ADAMTSL1: variants seen among roughly 807,000 people sequenced by gnomAD.
ADAMTSL1 encodes ADAMTS like 1, also known as ADAMTS-like protein 1.
Under a neutral mutation model 201.8 loss-of-function variants are expected in ADAMTSL1, and 126 were observed. The ratio of observed to expected loss-of-function variants is 0.62; its 90% confidence interval spans 0.54 to 0.72. ADAMTSL1 has a LOEUF of 0.72. Ranked by LOEUF, ADAMTSL1 falls within the 30% of genes least tolerant of loss-of-function variation. The pLI, the probability that ADAMTSL1 is intolerant of heterozygous loss-of-function variation, is 0.00. For synonymous variants in ADAMTSL1, 1,121 were observed against 903.4 expected (o/e 1.24, Z -4.32); for missense variants, 2,679 against 2,277.8 (o/e 1.18, Z -3.59).
chr9:18,224,180 A>C (rs954585902), intron 2 of ADAMTSL1, among the ~76,000 whole-genome samples: 6 of 152,090 alleles, frequency 3.9e-5, no homozygotes, highest in Non-Finnish European at 5.9e-5. Flanking sequence ...GAATACCACA[A>C]ATGGAGTAAT....
intron 2 of ADAMTSL1, among the ~76,000 whole-genome samples, chr9:18,365,616 G>C (rs1456779275): frequency 6.6e-6 from 1 of 152,130 alleles, no homozygotes; most frequent in African/African-American, 2.4e-5. Flanking sequence ...AGAGGAACAA[G>C]AGCAGTTTTT....
chr9:18,278,725 T>G (rs915655290), intron 2 of ADAMTSL1, among the ~76,000 whole-genome samples: 1 of 152,222 alleles, frequency 6.6e-6, no homozygotes, highest in Non-Finnish European at 1.5e-5. Context: ...TTTTCTGTCA[T>G]TATTTCTTTA....
chr9:18,777,845 G>C lies in ADAMTSL1; in HGVS notation c.3616G>C (p.Gly1206Arg). 1 of 1,591,528 alleles carries C rather than the reference G, an allele frequency of 6.3e-7. No individual in the cohort carries two copies. The highest frequency in any genetic ancestry group is 8.6e-7 in the Non-Finnish European group (1 of 1,164,674). The change falls in exon 19 of 29, where the codon GGC becomes CGC. Residue 1206 changes from glycine to arginine, a missense_variant. Coordinates refer to ENST00000380548, the MANE Select transcript of ADAMTSL1 (RefSeq NM_001040272.6). ...TGTTCTTCTGCACTGTGAGGCCATC[G>C]GCCACCCAAGGCCTACCATCAGCTG... Reference protein sequence around the residue: ...LSVLLHCEAIGHPRPTISWAR... With the variant: ...LSVLLHCEAIRHPRPTISWAR...
chr9:18,175,388 A>G (rs900651554), intron 2 of ADAMTSL1, among the ~76,000 whole-genome samples: 6 of 152,190 alleles, frequency 3.9e-5, no homozygotes, highest in African/African-American at 7.2e-5. Context: ...TATCAATATA[A>G]TATTGGTAAC....
chr9:18,214,778 G>A (rs567891981), intron 2 of ADAMTSL1, among the ~76,000 whole-genome samples: 10 of 152,232 alleles, frequency 6.6e-5, no homozygotes, highest in South Asian at 4.2e-4. Flanking sequence ...AAACATTTTA[G>A]AGAAAATAGT....
intron 23 of ADAMTSL1, among the ~76,000 whole-genome samples, chr9:18,845,020 G>A (rs555568269): frequency 7.9e-5 from 12 of 152,290 alleles, no homozygotes; most frequent in African/African-American, 2.9e-4. Context: ...CCCTGCTTCG[G>A]CTCATGCACG....
intron 2 of ADAMTSL1, among the ~76,000 whole-genome samples, chr9:18,355,341 G>A (rs1836171810): frequency 6.6e-6 from 1 of 152,048 alleles, no homozygotes; most frequent in South Asian, 2.1e-4. Flanking sequence ...TCTAAAGTAG[G>A]CTACATGTAG....
intron 1 of ADAMTSL1, among the ~76,000 whole-genome samples, chr9:17,995,050 C>G (rs1009260060): frequency 6.6e-6 from 1 of 152,136 alleles, no homozygotes; most frequent in African/African-American, 2.4e-5. Flanking sequence ...GAACGTGTGG[C>G]TTAGCACTAC....
rs538368599 is a variant in ADAMTSL1, at chr9:17,923,554, A to T, written c.87+16632A>T. ...GACAATGGGGTTTTCTAGATATACA[A>T]TCATGTCGTCTGCAAACAGGGACAA... is the stretch of plus-strand genomic sequence containing the variant. On this transcript the variant is annotated intron_variant, in intron 1 of 29. Coordinates refer to the ADAMTSL1 transcript ENST00000680146. 4.4e-4 allele frequency among the ~76,000 whole-genome samples: 66 copies of T among 151,362 alleles called. No individual in the cohort carries two copies. The East Asian group carries it at 0.012, about 27-fold the overall frequency.
chr9:17,999,191 C>T (rs1819508609), intron 1 of ADAMTSL1, among the ~76,000 whole-genome samples: 1 of 152,038 alleles, frequency 6.6e-6, no homozygotes, highest in Admixed American at 6.6e-5. Flanking sequence ...ACAAAATGTA[C>T]ATATGGCATT....
At chr9:18,415,020 C>A (rs998994306) in intron 2 of ADAMTSL1, among the ~76,000 whole-genome samples, 4 of 152,172 alleles carry the variant, frequency 2.6e-5, no homozygotes, top group African/African-American at 9.7e-5. Context: ...ACAACTCTGG[C>A]CTTGCCTGAC....
intron 4 of ADAMTSL1, among the ~76,000 whole-genome samples, chr9:18,605,088 C>T (rs1048084210): frequency 6.6e-6 from 1 of 152,198 alleles, no homozygotes; most frequent in Non-Finnish European, 1.5e-5. Flanking sequence ...CATGGAACTC[C>T]TCTCACTTGT....
intron 2 of ADAMTSL1, among the ~76,000 whole-genome samples, chr9:18,372,708 G>T (rs1178181372): frequency 1.3e-5 from 2 of 152,114 alleles, no homozygotes; most frequent in Non-Finnish European, 2.9e-5. Flanking sequence ...CTTAATTGAA[G>T]GCTTGCTCCC....
intron 2 of ADAMTSL1, among the ~76,000 whole-genome samples, chr9:18,166,757 G>A (rs10756943): frequency 0.74 from 112,457 of 151,854 alleles, 42,977 homozygotes; most frequent in Non-Finnish European, 0.85. Flanking sequence ...AAATTCTTCC[G>A]GAAAAGTTTC....
At chr9:18,391,907 C>T (rs551621392) in intron 2 of ADAMTSL1, among the ~76,000 whole-genome samples, 1 of 145,594 alleles carries the variant, frequency 6.9e-6, no homozygotes, top group South Asian at 2.2e-4. Flanking sequence ...TCACTGCAAG[C>T]TCTGCCTCCT....
At chr9:18,255,208 C>CTGAATGTGCAAATGT (rs1831634364) in intron 2 of ADAMTSL1, among the ~76,000 whole-genome samples, 1 of 152,088 alleles carries the variant, frequency 6.6e-6, no homozygotes, top group South Asian at 2.1e-4. Context: ...TGAAGGGTCC[C>CTGAATGTGCAAATGT]GTGTATTTGC....
chr9:18,409,772 C>A (rs1233861750), intron 2 of ADAMTSL1, among the ~76,000 whole-genome samples: 1 of 149,776 alleles, frequency 6.7e-6, no homozygotes, highest in Non-Finnish European at 1.5e-5. Context: ...TGTATACATA[C>A]ATACATGTTA....
intron 1 of ADAMTSL1, among the ~76,000 whole-genome samples, chr9:18,476,647 T>G (rs1421620000): frequency 6.6e-6 from 1 of 152,072 alleles, no homozygotes. Context: ...GAAATTGAAT[T>G]GAGGGGCTTG....
intron 1 of ADAMTSL1, among the ~76,000 whole-genome samples, chr9:18,036,222 C>T (rs1330218702): frequency 6.6e-6 from 1 of 152,180 alleles, no homozygotes; most frequent in Non-Finnish European, 1.5e-5. Flanking sequence ...AGTGGCTGGA[C>T]TATAGAAAGA....
Sources: gnomAD v4.1 joint callset for allele counts (sites outside exome capture counted in the v4.1 genomes callset) on GRCh38, gnomAD v4.1.1 for gene constraint, MANE v1.5 for transcripts, NCBI Gene and HGNC (gene_info 2026-07-23, HGNC 2026-07-21) for gene names.